The following ZNF547 variants were observed in gnomAD, a reference collection of about 807,000 sequenced individuals.
ZNF547 encodes the protein zinc finger protein 547.
Under a neutral mutation model 7.7 loss-of-function variants are expected in ZNF547, and 4 were observed. The ratio of observed to expected loss-of-function variants is 0.52; its 90% confidence interval spans 0.26 to 1.20. ZNF547 has a LOEUF of 1.20. Among genes scored for constraint, ZNF547 ranks in the 50% most tolerant of loss-of-function variants. The pLI is 0.14. For missense variants in ZNF547, 449 were observed against 485.8 expected, an observed-to-expected ratio of 0.92 and a Z score of 0.71; for synonymous variants, 166 against 166.2, an observed-to-expected ratio of 1.00 and a Z score of 0.01.
At chr19:57,372,788 G>T (rs1458677603) in intron 3 of ZNF547, among the ~76,000 whole-genome samples, 1 of 152,200 alleles carries the variant, frequency 6.6e-6, no homozygotes, top group Non-Finnish European at 1.5e-5. Context: ...GCATGTATTT[G>T]TCAGTAGTCC....
At position 57,363,687 on chromosome 19, in the gene ZNF547, C is replaced by T; in HGVS notation, c.-29C>T. 6.6e-6 allele frequency: 1 copy of T among 152,604 alleles called. No homozygotes were observed. The highest frequency in any genetic ancestry group is 1.8e-4 in the South Asian group (1 of 5,624). 9.5% of individuals were successfully genotyped at this position (152,604 alleles called of 1,614,324 possible). On this transcript the variant is annotated 5_prime_UTR_variant, in exon 1 of 4. Transcript: ENST00000282282. ...TTCCCTGGCTGGACTTGCGGAGTCC[C>T]CGCCGAAGAACCCGAGGTGGGTGCC...
chr19:57,377,641 T>C lies in ZNF547; in HGVS notation c.665T>C (p.Leu222Pro). 3 of 1,612,060 alleles carry C rather than the reference T, an allele frequency of 1.9e-6. No homozygotes were observed. The South Asian group carries it at 3.3e-5, about 18-fold the overall frequency. ...YECNECGKAFLCKSHLVRHQT... is the reference protein window; with the variant it reads ...YECNECGKAFPCKSHLVRHQT... ...TGCAATGAATGTGGGAAAGCCTTTCTTTGTAAGTCTCACCTTGTTCGTCAC... is the reference window on the plus strand; with the variant it reads ...TGCAATGAATGTGGGAAAGCCTTTCCTTGTAAGTCTCACCTTGTTCGTCAC... The change falls in exon 4 of 4, where the codon CTT becomes CCT. Residue 222 changes from leucine to proline, a missense_variant. Transcript: ENST00000282282.
chr19:57,373,548 G>A (rs1174156204), intron 3 of ZNF547, among the ~76,000 whole-genome samples: 2 of 148,612 alleles, frequency 1.3e-5, no homozygotes, highest in Admixed American at 6.9e-5. Flanking sequence ...CAAGTCCAAA[G>A]TCTCATCTGA....
chr19:57,366,615 G>A (rs2088472473), intron 1 of ZNF547, among the ~76,000 whole-genome samples: 1 of 142,310 alleles, frequency 7.0e-6, no homozygotes, highest in Admixed American at 7.2e-5. Flanking sequence ...AGTGGCGCTT[G>A]GCTCACTGCA....
rs2088549909 is a variant in ZNF547 at position 57,378,027 on chromosome 19, C to A, written c.1051C>A (p.Pro351Thr). The A allele has an allele frequency of 1.2e-6, 2 of 1,614,150 alleles. No homozygotes were observed. The highest frequency in any genetic ancestry group is 1.7e-6 in the Non-Finnish European group (2 of 1,180,042). ...QHQRVHTGERPYECSECGKAF... is the reference protein window; with the variant it reads ...QHQRVHTGERTYECSECGKAF... Reference sequence around the variant, plus strand: ...CCAAAGAGTTCACACTGGAGAACGGCCTTATGAATGCAGTGAGTGTGGGAA... The same window carrying A: ...CCAAAGAGTTCACACTGGAGAACGGACTTATGAATGCAGTGAGTGTGGGAA... The change falls in exon 4 of 4, where the codon CCT (proline) becomes ACT (threonine). Residue 351 changes from proline to threonine, a missense_variant. Physicochemically the swap from Pro to Thr is conservative, Grantham distance 38. Coordinates refer to ENST00000282282, the MANE Select transcript of ZNF547 (RefSeq NM_173631.4).
At position 57,378,073 on chromosome 19, in the gene ZNF547, A is replaced by C. The variant is rs1372002362; in HGVS notation, c.1097A>C (p.His366Pro). Residue 366 changes from histidine (H) to proline (P), a missense_variant, in exon 4 of 4, where the codon CAC becomes CCC. Coordinates refer to ENST00000282282, the MANE Select transcript of ZNF547 (RefSeq NM_173631.4). ...GGGAAGGCCTTCCTTACAAAGTCCC[A>C]CCTCATTTGTCATCAGACAGTTCAC... ...ECGKAFLTKSHLICHQTVHTA... is the reference protein window; with the variant it reads ...ECGKAFLTKSPLICHQTVHTA... 6.2e-7 allele frequency: 1 copy of C among 1,613,786 alleles called. No homozygotes were observed. Among genetic ancestry groups the C allele is most frequent in the Admixed American group, 1.7e-5 (1 of 59,976 alleles).
At chr19:57,368,097 T>G (rs1387619362) in intron 1 of ZNF547, 1 of 157,844 alleles carries the variant, frequency 6.3e-6, no homozygotes, top group Non-Finnish European at 1.4e-5. Flanking sequence ...CATAATTGAT[T>G]TGACCCAAAT....
intron 3 of ZNF547, among the ~76,000 whole-genome samples, chr19:57,375,290 C>G (rs1010069185): frequency 1.3e-5 from 2 of 152,038 alleles, no homozygotes; most frequent in African/African-American, 4.8e-5. Context: ...GTGGAAGTTG[C>G]AATGAGCTGA....
intron 1 of ZNF547, among the ~76,000 whole-genome samples, chr19:57,365,689 A>G (rs2088463361): frequency 1.3e-5 from 2 of 151,598 alleles, no homozygotes; most frequent in South Asian, 4.2e-4. Flanking sequence ...TTGTATTTTT[A>G]GTAGAGACGG....
At chr19:57,371,696 G>A (rs1289405161) in intron 2 of ZNF547, 86 bp from the exon 3 acceptor site, 1 of 1,519,894 alleles carries the variant, frequency 6.6e-7, no homozygotes, top group African/African-American at 1.4e-5. Context: ...TTAATGGGTG[G>A]TAAATATAAG....
In ZNF547 at chr19:57,378,456, T is replaced by C; in HGVS notation, c.*271T>C. The stretch of plus-strand genomic sequence containing the variant: ...GTCTTTTCAATAAAGTAGAAAGTGG[T>C]AAAGATTCAACATGCAAGATTGTAC... On this transcript the variant is annotated 3_prime_UTR_variant, in exon 4 of 4. Coordinates refer to ENST00000282282, the MANE Select transcript of ZNF547 (RefSeq NM_173631.4). 1.6e-6 allele frequency: 1 copy of C among 620,972 alleles called. No individual in the cohort carries two copies. Among genetic ancestry groups the C allele is most frequent in the Non-Finnish European group, 3.0e-6 (1 of 331,412 alleles). The allele number at this position is 620,972 out of a possible 1,614,324, so 38.5% of individuals were successfully genotyped here. A position where few individuals can be genotyped will look rare whatever the true frequency, so the allele number is the denominator to read the frequency against.
At chr19:57,367,690 C>G (rs2088479497) in intron 1 of ZNF547, among the ~76,000 whole-genome samples, 31 of 152,180 alleles carry the variant, frequency 2.0e-4, no homozygotes, top group Admixed American at 2.0e-3. Context: ...GGGATGGAGA[C>G]TAAGGTTTGA....
rs751852157 is a variant in ZNF547 at position 57,371,814 on chromosome 19, T to C, written c.57T>C (p.Tyr19=). ...GHVVFEDVAI[Y]FSQEEWGHLD... The stretch of plus-strand genomic sequence containing the variant: ...TGGTTTTTGAAGACGTGGCCATATA[T>C]TTCTCCCAGGAGGAGTGGGGGCATC... The change falls in exon 3 of 4, where the codon TAT becomes TAC. Residue 19 remains tyrosine (Y), a synonymous_variant. Coordinates refer to ENST00000282282, the MANE Select transcript of ZNF547 (RefSeq NM_173631.4). 2 of 1,613,256 alleles carry C rather than the reference T, an allele frequency of 1.2e-6. No homozygotes were observed. Among genetic ancestry groups the C allele is most frequent in the South Asian group, 2.2e-5 (2 of 91,022 alleles).
At chr19:57,365,501 ATTTC>A (rs943787379) in intron 1 of ZNF547, 11 of 421,400 alleles carry the variant, frequency 2.6e-5, no homozygotes, top group African/African-American at 6.3e-5. Flanking sequence ...ATAATAATTA[ATTTC>A]TTTCTTTTTT....
rs1028988461 is a variant in ZNF547 at position 57,377,465 on chromosome 19, A to G, written c.489A>G (p.Lys163=). 2.4e-5 allele frequency: 39 copies of G among 1,614,162 alleles called. No homozygotes were observed. Among genetic ancestry groups the G allele is most frequent in the Non-Finnish European group, 3.2e-5 (38 of 1,180,022 alleles). The part of the protein sequence containing the change: ...GKTFLCSECG[K]AFSHKHKLSD... ...CCTTCTTGTGCAGTGAATGTGGGAA[A>G]GCCTTTAGCCACAAACATAAACTTT... The change falls in exon 4 of 4, where the codon AAA becomes AAG. Residue 163 remains lysine, a synonymous_variant. Transcript: ENST00000282282.
rs1055390937 is a variant in ZNF547 at position 57,378,329 on chromosome 19, C to G, written c.*144C>G. ...GTACAGCTCTCCAGTCGCTATGTAT[C>G]AGAGAATTCACACTGCAGAAATGTG... On this transcript the variant is annotated 3_prime_UTR_variant, in exon 4 of 4. Transcript: ENST00000282282. 1.3e-6 allele frequency: 1 copy of G among 788,182 alleles called. No individual in the cohort carries two copies. Among genetic ancestry groups the G allele is most frequent in the Admixed American group, 2.2e-5 (1 of 45,972 alleles). The allele number at this position is 788,182 out of a possible 1,614,324, so 48.8% of individuals were successfully genotyped here. A position where few individuals can be genotyped will look rare whatever the true frequency, so the allele number is the denominator to read the frequency against.
chr19:57,378,684 T>C lies in ZNF547; in HGVS notation c.*499T>C. ...AGCACTGAGAACTAGTATTATATGG[T>C]TTTTAAAAAACAATGGTGAAGTACA... On this transcript the variant is annotated 3_prime_UTR_variant, in exon 4 of 4. Transcript: ENST00000282282. 2.7e-6 allele frequency: 1 copy of C among 377,108 alleles called. No homozygotes were observed. The highest frequency in any genetic ancestry group is 5.2e-6 in the Non-Finnish European group (1 of 192,462). 23.4% of individuals were successfully genotyped at this position (377,108 alleles called of 1,614,324 possible).
intron 3 of ZNF547, among the ~76,000 whole-genome samples, chr19:57,373,477 A>G (rs1037116626): frequency 1.7e-4 from 22 of 132,284 alleles, no homozygotes; most frequent in African/African-American, 5.5e-4. Flanking sequence ...TTTCAACACC[A>G]ATCATGCCTT....
chr19:57,374,529 T>C (rs748342657), intron 3 of ZNF547, among the ~76,000 whole-genome samples: 5 of 152,282 alleles, frequency 3.3e-5, no homozygotes, highest in Admixed American at 1.3e-4. Context: ...TCGTTACTTA[T>C]GCAAATTTCT....
Sources: gnomAD v4.1 joint callset for allele counts (sites outside exome capture counted in the v4.1 genomes callset) on GRCh38, gnomAD v4.1.1 for gene constraint, MANE v1.5 for transcripts, NCBI Gene and HGNC (gene_info 2026-07-23, HGNC 2026-07-21) for gene names.